Variants in PLEKHA1 observed in about 807,000 individuals in gnomAD.
PLEKHA1 encodes the protein pleckstrin homology domain-containing family A member 1.
Under a neutral mutation model 52.0 loss-of-function variants are expected in PLEKHA1, and 34 were observed. The ratio of observed to expected loss-of-function variants is 0.65; its 90% CI spans 0.50 to 0.87. The LOEUF is 0.87. Among genes scored for constraint, PLEKHA1 ranks in the 40% least tolerant of loss-of-function variants. The pLI, the probability that PLEKHA1 is intolerant of heterozygous loss-of-function variation, is 0.00. For synonymous variants in PLEKHA1, 163 were observed against 170.7 expected (o/e 0.95, Z 0.35); for missense variants, 497 against 504.2 (o/e 0.99, Z 0.14).
chr10:122,401,302 CAT>C (rs1362570265), intron 4 of PLEKHA1, among the ~76,000 whole-genome samples: 1 of 152,112 alleles, frequency 6.6e-6, no homozygotes, highest in Non-Finnish European at 1.5e-5. Context: ...GGAAAGCAGA[CAT>C]AAGGTGAAGG....
intron 1 of PLEKHA1, among the ~76,000 whole-genome samples, chr10:122,381,131 G>C (rs2096608909): frequency 6.6e-6 from 1 of 152,178 alleles, no homozygotes; most frequent in African/African-American, 2.4e-5. Context: ...GTTTTAATGG[G>C]ATCACTTTGA....
chr10:122,384,322 T>G (rs1280322163), intron 1 of PLEKHA1, among the ~76,000 whole-genome samples: 8 of 152,194 alleles, frequency 5.3e-5, no homozygotes, highest in Non-Finnish European at 1.5e-5. Context: ...TAAAAAACTT[T>G]ATTTGGCTGG....
chr10:122,399,467 G>A (rs892322961), intron 3 of PLEKHA1, among the ~76,000 whole-genome samples: 1 of 152,098 alleles, frequency 6.6e-6, no homozygotes, highest in Non-Finnish European at 1.5e-5. Flanking sequence ...GCATTCTCCT[G>A]TACAAGAGAG....
intron 6 of PLEKHA1, among the ~76,000 whole-genome samples, chr10:122,413,464 A>C (rs529525360): frequency 6.6e-6 from 1 of 152,004 alleles, no homozygotes; most frequent in East Asian, 1.9e-4. Context: ...TGTTTCTTTT[A>C]CTTTATAAAC....
intron 6 of PLEKHA1, 113 bp downstream of exon 6, chr10:122,413,158 A>G (rs1435341067): frequency 3.2e-6 from 3 of 929,098 alleles, no homozygotes; most frequent in East Asian, 3.1e-5. Flanking sequence ...TACAATTACT[A>G]TAAAATATTT....
intron 1 of PLEKHA1, among the ~76,000 whole-genome samples, chr10:122,388,205 T>C (rs552902991): frequency 6.6e-6 from 1 of 152,338 alleles, no homozygotes; most frequent in South Asian, 2.1e-4. Context: ...AATCTATTCC[T>C]TGTTGCTCTG....
intron 1 of PLEKHA1, among the ~76,000 whole-genome samples, chr10:122,380,955 C>G (rs2133633455): frequency 6.6e-6 from 1 of 152,278 alleles, no homozygotes; most frequent in African/African-American, 2.4e-5. Flanking sequence ...AGTTTGACTC[C>G]TGGCACTGCC....
At chr10:122,413,171 GTTTA>G (rs1326206517) in intron 6 of PLEKHA1, 126 bp downstream of exon 6, 52 of 864,558 alleles carry the variant, frequency 6.0e-5, no homozygotes, top group Non-Finnish European at 4.1e-5. Context: ...AAATATTTTT[GTTTA>G]TTTCAAAAGT....
chr10:122,376,795 C>A (rs977938730), intron 1 of PLEKHA1, among the ~76,000 whole-genome samples: 2 of 152,064 alleles, frequency 1.3e-5, no homozygotes, highest in African/African-American at 4.8e-5. Context: ...CCGGAAGGAC[C>A]TTTTTAGAAG....
intron 4 of PLEKHA1, among the ~76,000 whole-genome samples, chr10:122,404,215 A>G (rs757426031): frequency 1.3e-5 from 2 of 152,196 alleles, no homozygotes; most frequent in African/African-American, 2.4e-5. Context: ...TAAGCTAGTC[A>G]GGTTGGATTG....
At chr10:122,432,410 G>C (rs1257021015), downstream of PLEKHA1, 1 of 152,132 alleles carries the variant, frequency 6.6e-6, no homozygotes, top group Non-Finnish European at 1.5e-5. Context: ...CAATGATTAG[G>C]GGTGTGTTTG....
chr10:122,415,786 C>G (rs1195286736), intron 6 of PLEKHA1, 73 bp from the exon 7 acceptor site: 5 of 1,395,254 alleles, frequency 3.6e-6, no homozygotes, highest in Admixed American at 2.2e-5. Context: ...TTAAGATTTT[C>G]TACTGGGATA....
In PLEKHA1 at chr10:122,424,952, A is replaced by T. The variant is rs759230843; in HGVS notation, c.803A>T (p.Tyr268Phe). ...ATTGTAACAACGTCTCGAACTTTCT[A>T]TGTGCAGGTAAGATGCTTATTTGGC... ...FEIVTTSRTF[Y>F]VQADSPEEMH... Residue 268 changes from tyrosine to phenylalanine, a missense_variant, in exon 10 of 12, where the codon TAT (tyrosine) becomes TTT (phenylalanine). Tyr to Phe is a conservative substitution (Grantham distance 22, BLOSUM62 3). Transcript: ENST00000368990. 8.1e-6 allele frequency: 13 copies of T among 1,607,450 alleles called. No individual in the cohort carries two copies. The East Asian group carries it at 2.7e-4, about 33-fold the overall frequency.
intron 4 of PLEKHA1, among the ~76,000 whole-genome samples, chr10:122,403,878 G>A (rs2096966536): frequency 6.6e-6 from 1 of 152,094 alleles, no homozygotes; most frequent in African/African-American, 2.4e-5. Context: ...TTTGAGTAGA[G>A]ACAGGGTTTC....
chr10:122,425,830 TTA>T (rs1163882669), intron 10 of PLEKHA1: 1 of 152,148 alleles, frequency 6.6e-6, no homozygotes, highest in African/African-American at 2.4e-5. Flanking sequence ...AAAATGTGGC[TTA>T]TAAAACATTC....
intron 1 of PLEKHA1, among the ~76,000 whole-genome samples, chr10:122,385,254 T>C (rs2096672613): frequency 6.6e-6 from 1 of 151,048 alleles, no homozygotes. Flanking sequence ...CTAAAACCAC[T>C]AGTTGAAATG....
In PLEKHA1 at chr10:122,393,426, TC is replaced by T; in HGVS notation, c.141+86del. On this transcript the variant is annotated intron_variant, in intron 2 of 11. Transcript: ENST00000368990. This position sits in a 1 kb window ranked among gnomAD's most constrained non-coding sequence, Gnocchi z 4.5. The stretch of plus-strand genomic sequence containing the variant: ...ACATACTATACAGGCTTTAGATTTG[TC>T]TTCTTAAGCAGTATATTTTTAGATT... 7.6e-7 allele frequency: 1 copy of T among 1,311,452 alleles called. No individual in the cohort carries two copies. Among genetic ancestry groups the T allele is most frequent in the East Asian group, 2.6e-5 (1 of 38,554 alleles). The allele number at this position is 1,311,452 out of a possible 1,614,324, so 81.2% of individuals were successfully genotyped here.
intron 2 of PLEKHA1, among the ~76,000 whole-genome samples, chr10:122,396,925 A>G (rs1248217414): frequency 1.3e-5 from 2 of 152,110 alleles, no homozygotes; most frequent in Non-Finnish European, 2.9e-5. Flanking sequence ...TTATAAAAAG[A>G]GCATAATTTT....
At chr10:122,402,939 A>G (rs965488992) in intron 4 of PLEKHA1, among the ~76,000 whole-genome samples, 5 of 152,198 alleles carry the variant, frequency 3.3e-5, no homozygotes, top group Non-Finnish European at 5.9e-5. Context: ...CCCTAGAGAA[A>G]AGATCCATAG....
Sources: allele counts gnomAD v4.1 joint callset (sites outside exome capture counted in the v4.1 genomes callset), GRCh38; gene constraint gnomAD v4.1.1; non-coding constraint Gnocchi (gnomAD v3.1); transcripts MANE v1.5; gene names NCBI Gene and HGNC (gene_info 2026-07-23, HGNC 2026-07-21).